LRP1B: variants seen among roughly 807,000 people sequenced by gnomAD.
LRP1B encodes low-density lipoprotein receptor-related protein 1B.
A neutral mutation model predicts 556.6 loss-of-function variants in LRP1B; 217 were observed. The observed-to-expected ratio is 0.39, with a 90% confidence interval of 0.35 to 0.44. The LOEUF (loss-of-function observed/expected upper bound fraction) is 0.44, where lower values mean the gene tolerates loss of function less well. LRP1B is among the 20% of genes least tolerant of loss of function. The probability of loss-of-function intolerance (pLI) is 1.00; values close to 1 mark genes in which losing one functional copy is unlikely to be tolerated. For missense variants in LRP1B, 5,053 were observed against 5,620.8 expected (o/e 0.90, Z 3.23); for synonymous variants, 2,047 against 1,865.8 (o/e 1.10, Z -2.50).
intron 1 of LRP1B, among the ~76,000 whole-genome samples, chr2:141,983,912 T>C (rs1702113362): frequency 6.6e-6 from 1 of 151,958 alleles, no homozygotes; most frequent in Admixed American, 6.5e-5. Flanking sequence ...AATACAAAAA[T>C]TAGCCGGGCA....
chr2:140,748,301 C>CATATATTATATTCACATATAAT (rs1573659259), intron 35 of LRP1B, among the ~76,000 whole-genome samples: 2 of 110,924 alleles, frequency 1.8e-5, no homozygotes, highest in South Asian at 2.7e-4. Flanking sequence ...TATATATATT[C>CATATATTATATTCACATATAAT]ATATATTATA....
At chr2:141,030,987 T>C (rs1261238986) in intron 11 of LRP1B, among the ~76,000 whole-genome samples, 1 of 151,842 alleles carries the variant, frequency 6.6e-6, no homozygotes, top group Non-Finnish European at 1.5e-5. Context: ...TAAGAGAACA[T>C]TTCTTAATTC....
chr2:140,603,535 A>AT (rs948672416), intron 41 of LRP1B, among the ~76,000 whole-genome samples: 30 of 151,834 alleles, frequency 2.0e-4, no homozygotes, highest in Non-Finnish European at 3.8e-4. Flanking sequence ...ATCCATCCTG[A>AT]TTCTACATCT....
chr2:140,892,947 G>A (rs1693842957), intron 23 of LRP1B, among the ~76,000 whole-genome samples: 2 of 152,158 alleles, frequency 1.3e-5, no homozygotes, highest in South Asian at 2.1e-4. Context: ...AAGAAACATA[G>A]ATTTTTATAA....
Position 141,140,846 on chromosome 2 carries a change from T to G in LRP1B, c.1013+47575A>C, listed in dbSNP as rs144920916. ...TGATTGACTTACTGAGATAAGCATG[T>G]AAATATACAATTATATATAATATAC... On this transcript the variant is annotated intron_variant, in intron 7 of 90. Transcript: ENST00000389484. Among the ~76,000 whole-genome samples the G allele has an allele frequency of 1.8e-3, 277 of 152,240 alleles. 2 individuals are homozygous for G. Among genetic ancestry groups the G allele is most frequent in the African/African-American group, 6.5e-3 (269 of 41,570 alleles).
intron 3 of LRP1B, among the ~76,000 whole-genome samples, chr2:141,368,792 A>C (rs1689132155): frequency 6.6e-6 from 1 of 152,214 alleles, no homozygotes; most frequent in Admixed American, 6.5e-5. Flanking sequence ...GAATAGGTGA[A>C]TCTTAACTGA....
At chr2:141,716,976 G>T (rs936384849) in intron 2 of LRP1B, among the ~76,000 whole-genome samples, 2 of 151,646 alleles carry the variant, frequency 1.3e-5, no homozygotes, top group Admixed American at 6.6e-5. Flanking sequence ...CACAGGGGGG[G>T]GTCGCAATTC....
intron 37 of LRP1B, among the ~76,000 whole-genome samples, chr2:140,709,392 C>G (rs1012499575): frequency 2.0e-5 from 3 of 150,802 alleles, no homozygotes; most frequent in African/African-American, 7.3e-5. Flanking sequence ...CAAGTAATAC[C>G]AGAGGAGGAG....
In LRP1B at chr2:140,356,361, C is replaced by T. The variant is rs190269691; in HGVS notation, c.11511G>A (p.Met3837Ile). The change falls in exon 75 of 91, where the codon ATG (methionine) becomes ATA (isoleucine). Residue 3837 changes from methionine (M) to isoleucine (I), a missense_variant. By Grantham distance (10) the Met-to-Ile change is conservative. Coordinates refer to ENST00000389484, the MANE Select transcript of LRP1B (RefSeq NM_018557.3). ...CRCKPGFQRN[M>I]KNRQCEDLNE... ...CTCTACCTTCACATTGTCTGTTTTT[C>T]ATGTTTCTCTGAAATCCAGGCTTAC... 412 of 1,610,766 alleles carry T rather than the reference C, an allele frequency of 2.6e-4. 1 individual carries two copies. The East Asian group carries it at 8.0e-3, about 31-fold the overall frequency.
At chr2:141,699,153 A>G (rs916088502) in intron 2 of LRP1B, among the ~76,000 whole-genome samples, 2 of 151,774 alleles carry the variant, frequency 1.3e-5, no homozygotes, top group Non-Finnish European at 2.9e-5. Context: ...AAAAAACCCA[A>G]TATTTCCCAG....
intron 41 of LRP1B, among the ~76,000 whole-genome samples, chr2:140,648,962 C>T (rs1232866692): frequency 6.6e-6 from 1 of 152,040 alleles, no homozygotes; most frequent in Admixed American, 6.5e-5. Context: ...AAGAAGCATC[C>T]TGGTAGTGGG....
intron 7 of LRP1B, among the ~76,000 whole-genome samples, chr2:141,121,698 C>T (rs901941406): frequency 6.6e-6 from 1 of 152,056 alleles, no homozygotes; most frequent in Non-Finnish European, 1.5e-5. Context: ...AGATTCAATG[C>T]CATCCCCATC....
chr2:141,457,415 A>G (rs1573966020), intron 3 of LRP1B, among the ~76,000 whole-genome samples: 1 of 152,082 alleles, frequency 6.6e-6, no homozygotes, highest in East Asian at 1.9e-4. Context: ...GAGGGCAACA[A>G]CACACACTGG....
chr2:141,853,389 A>G (rs987962260), intron 1 of LRP1B, among the ~76,000 whole-genome samples: 11 of 151,736 alleles, frequency 7.2e-5, no homozygotes, highest in South Asian at 2.1e-4. Flanking sequence ...CTCAATCTCA[A>G]TTGTGCCTAT....
chr2:141,546,403 G>T (rs1015684923), intron 2 of LRP1B, among the ~76,000 whole-genome samples: 6 of 152,070 alleles, frequency 3.9e-5, no homozygotes, highest in Admixed American at 3.9e-4. Flanking sequence ...TAAGCACAGT[G>T]CCTCCCCTTA....
intron 1 of LRP1B, among the ~76,000 whole-genome samples, chr2:141,978,909 GA>G (rs1380796297): frequency 2.6e-5 from 4 of 151,510 alleles, no homozygotes; most frequent in Non-Finnish European, 5.9e-5. Flanking sequence ...TTGGGTGAAA[GA>G]AAAAAATGAA....
At chr2:140,879,420 T>A (rs1052990799) in intron 25 of LRP1B, among the ~76,000 whole-genome samples, 10 of 152,180 alleles carry the variant, frequency 6.6e-5, no homozygotes, top group Non-Finnish European at 1.2e-4. Context: ...GTTAGTATAC[T>A]TCTATGGTGA....
chr2:141,485,755 G>A (rs11902750), intron 2 of LRP1B, among the ~76,000 whole-genome samples: 4,026 of 152,252 alleles, frequency 0.026, 181 homozygotes, highest in African/African-American at 0.092. Context: ...ACCAGGGTGA[G>A]AAGCATGGGA....
Position 142,018,819 on chromosome 2 carries a change from G to A in LRP1B, c.82+111829C>T, listed in dbSNP as rs375870611. Among the ~76,000 whole-genome samples, 41 of 151,700 alleles carry A rather than the reference G, an allele frequency of 2.7e-4. No individual in the cohort carries two copies. In the South Asian group the frequency reaches 6.2e-3, roughly 23 times the overall value. On this transcript the variant is annotated intron_variant, in intron 1 of 90. Transcript: ENST00000389484. ...TTTTTCCCCAGAAGCCAGATTTGGAGCTTTCACTAGCAAGATAAATGCCTA... is the reference window on the plus strand; with the variant it reads ...TTTTTCCCCAGAAGCCAGATTTGGAACTTTCACTAGCAAGATAAATGCCTA...
Sources: allele counts gnomAD v4.1 joint callset (sites outside exome capture counted in the v4.1 genomes callset), GRCh38; gene constraint gnomAD v4.1.1; transcripts MANE v1.5; gene names NCBI Gene and HGNC (gene_info 2026-07-23, HGNC 2026-07-21).